Variants in LRRC37A2 observed in about 807,000 individuals in gnomAD.
The protein encoded by LRRC37A2 is leucine-rich repeat-containing protein 37A2.
Under a neutral mutation model 68.8 loss-of-function variants are expected in LRRC37A2, and 9 were observed. The ratio of observed to expected loss-of-function variants is 0.13; its 90% CI spans 0.08 to 0.23. The LOEUF (loss-of-function observed/expected upper bound fraction) is 0.23. LRRC37A2 is among the 10% of genes least tolerant of loss of function. LRRC37A2 has a pLI of 1.00. For synonymous variants in LRRC37A2, 63 were observed against 367.6 expected, an observed-to-expected ratio of 0.17 and a Z score of 9.48; for missense variants, 168 against 950.4, an observed-to-expected ratio of 0.18 and a Z score of 10.82.
chr17:46,823,255 C>T, the LRRC37A2 span, among the ~76,000 whole-genome samples: 3 of 141,804 alleles, frequency 2.1e-5, no homozygotes, highest in Non-Finnish European at 3.0e-5. Flanking sequence ...ATTCTTGTTG[C>T]CCAGGCTGTA....
the LRRC37A2 span, among the ~76,000 whole-genome samples, chr17:46,901,453 G>A: frequency 2.6e-5 from 4 of 151,988 alleles, no homozygotes; most frequent in African/African-American, 7.2e-5. Context: ...GAGCCACCAC[G>A]CCCAGCCCAG....
chr17:46,763,366 A>C, the LRRC37A2 span: 7 of 152,120 alleles, frequency 4.6e-5, no homozygotes, highest in African/African-American at 1.4e-4. Context: ...CACCTAAGGG[A>C]GTAGGTGACT....
chr17:46,949,840 T>C, the LRRC37A2 span, among the ~76,000 whole-genome samples: 1 of 152,176 alleles, frequency 6.6e-6, no homozygotes, highest in Non-Finnish European at 1.5e-5. Context: ...AGGAGGATTC[T>C]GTGGCTGGAG....
the LRRC37A2 span, among the ~76,000 whole-genome samples, chr17:47,032,803 C>T: frequency 6.6e-6 from 1 of 152,098 alleles, no homozygotes; most frequent in Non-Finnish European, 1.5e-5. Flanking sequence ...GTCACTTCAC[C>T]AGAAAGTGAC....
chr17:46,902,454 AACAG>A, the LRRC37A2 span, among the ~76,000 whole-genome samples: 1 of 119,236 alleles, frequency 8.4e-6, no homozygotes, highest in African/African-American at 4.0e-5. Context: ...TCGATAAGGG[AACAG>A]TGCGTGTGTG....
chr17:46,784,584 C>A, the LRRC37A2 span, among the ~76,000 whole-genome samples: 2 of 152,254 alleles, frequency 1.3e-5, no homozygotes, highest in Non-Finnish European at 2.9e-5. Context: ...CTGAACCTCA[C>A]ACTAGGAGGC....
the LRRC37A2 span, among the ~76,000 whole-genome samples, chr17:46,793,997 C>T: frequency 6.6e-6 from 1 of 152,182 alleles, no homozygotes; most frequent in Non-Finnish European, 1.5e-5. Context: ...GTGTTCTTCA[C>T]TGAACTAGGC....
the LRRC37A2 span, among the ~76,000 whole-genome samples, chr17:46,942,243 G>C: frequency 6.6e-6 from 1 of 152,186 alleles, no homozygotes; most frequent in Non-Finnish European, 1.5e-5. Flanking sequence ...TCTCAACCGG[G>C]GGGTGACATT....
chr17:46,712,482 T>C, the LRRC37A2 span, among the ~76,000 whole-genome samples: 1 of 152,228 alleles, frequency 6.6e-6, no homozygotes, highest in African/African-American at 2.4e-5. Context: ...TAAATGGTGC[T>C]GTTTACTAAG....
chr17:46,543,482 T>A (rs1456294320), intron 8 of LRRC37A2, among the ~76,000 whole-genome samples: 1 of 150,954 alleles, frequency 6.6e-6, no homozygotes, highest in East Asian at 1.9e-4. Context: ...GGGACAATTG[T>A]GAAAATGTGT....
chr17:46,728,712 A>AT, the LRRC37A2 span: 1,338 of 427,020 alleles, frequency 3.1e-3, no homozygotes, highest in South Asian at 3.9e-3. Context: ...TACTCTTTAA[A>AT]TTTTTTTTTT....
the LRRC37A2 span, among the ~76,000 whole-genome samples, chr17:46,800,510 G>T: frequency 8.7e-4 from 104 of 119,318 alleles, no homozygotes; most frequent in African/African-American, 2.8e-3. Flanking sequence ...CTGCCCTCAG[G>T]GGCTGACTCT....
chr17:46,979,106 G>C, the LRRC37A2 span: 2 of 1,188,426 alleles, frequency 1.7e-6, no homozygotes, highest in Admixed American at 4.3e-5. Flanking sequence ...CCTCGGACCG[G>C]CTCCTGCGGT....
chr17:47,019,205 C>T, the LRRC37A2 span: 1 of 1,451,460 alleles, frequency 6.9e-7, no homozygotes, highest in Admixed American at 1.7e-5. Context: ...TGGGGTTTAC[C>T]ATCACTCCAA....
chr17:46,887,569 A>C, the LRRC37A2 span, among the ~76,000 whole-genome samples: 1 of 152,202 alleles, frequency 6.6e-6, no homozygotes, highest in African/African-American at 2.4e-5. Flanking sequence ...GTTTGAGACC[A>C]GCTTGGCCAA....
the LRRC37A2 span, among the ~76,000 whole-genome samples, chr17:46,710,574 G>A: frequency 6.6e-6 from 1 of 152,172 alleles, no homozygotes; most frequent in Non-Finnish European, 1.5e-5. Flanking sequence ...TGTTAAGGTA[G>A]CATATTTGTC....
chr17:46,712,751 T>C, the LRRC37A2 span, among the ~76,000 whole-genome samples: 1 of 152,044 alleles, frequency 6.6e-6, no homozygotes, highest in Admixed American at 6.6e-5. Context: ...CTCTGAAGCA[T>C]GTTAACACGT....
At chr17:46,980,227 T>C in the LRRC37A2 span, among the ~76,000 whole-genome samples, 20 of 151,966 alleles carry the variant, frequency 1.3e-4, no homozygotes, top group African/African-American at 4.8e-4. Context: ...TACAACATCA[T>C]TTTTAGTGAA....
the LRRC37A2 span, among the ~76,000 whole-genome samples, chr17:46,809,148 G>A: frequency 6.6e-6 from 1 of 152,184 alleles, no homozygotes; most frequent in Non-Finnish European, 1.5e-5. Flanking sequence ...TTACAACTGC[G>A]CAGGTGGACA....
Sources: allele counts gnomAD v4.1 joint callset (sites outside exome capture counted in the v4.1 genomes callset), GRCh38; gene constraint gnomAD v4.1.1; transcripts MANE v1.5; gene names NCBI Gene and HGNC (gene_info 2026-07-23, HGNC 2026-07-21).